The following NUP93 variants were observed in gnomAD, a reference collection of about 807,000 sequenced individuals.
The protein encoded by NUP93 is nucleoporin 93.
Under a neutral mutation model 107.8 loss-of-function variants are expected in NUP93, and 55 were observed. That is an observed-to-expected ratio of 0.51 (90% confidence interval 0.41 to 0.64). The LOEUF (loss-of-function observed/expected upper bound fraction) is 0.64, where lower values mean the gene tolerates loss of function less well. Among genes scored for constraint, NUP93 ranks in the 30% least tolerant of loss-of-function variants. NUP93 has a pLI of 0.00. For missense variants in NUP93, 937 were observed against 1,044.7 expected (o/e 0.90, Z 1.42); for synonymous variants, 390 against 397.5 (o/e 0.98, Z 0.22).
At chr16:56,736,606 A>G (rs910742813) in intron 1 of NUP93, among the ~76,000 whole-genome samples, 1 of 152,206 alleles carries the variant, frequency 6.6e-6, no homozygotes, top group African/African-American at 2.4e-5. Flanking sequence ...TGGGAGACAG[A>G]AGCCAGGGGC....
chr16:56,810,805 G>A (rs1380168084), intron 5 of NUP93, among the ~76,000 whole-genome samples: 2 of 130,608 alleles, frequency 1.5e-5, no homozygotes, highest in African/African-American at 5.4e-5. Flanking sequence ...GTCCTTTCTG[G>A]TCACCACCCA....
Position 56,754,155 on chromosome 16 carries a change from TAAAC to T in NUP93, c.180-4380_180-4377del, listed in dbSNP as rs375075698. 3.0e-3 allele frequency among the ~76,000 whole-genome samples: 454 copies of T among 152,150 alleles called. 1 individual carries two copies. The highest frequency in any genetic ancestry group is 9.5e-3 in the African/African-American group (396 of 41,508). On this transcript the variant is annotated intron_variant, in intron 2 of 21. Transcript: ENST00000308159. ...TGAAGGGGGAAGTGCTACGTACTCT[TAAAC>T]AACCAAATCTTATGGGAACTCACGG...
At position 56,805,478 on chromosome 16, in the gene NUP93, C is replaced by A. The variant is rs771126164; in HGVS notation, c.361-26C>A. ...TTTTTTTTGTTTTTTTCCTGAGGGT[C>A]ATTGTTCTCTGTTCCTTTCTGGCAG... On this transcript the variant is annotated intron_variant, in intron 4 of 21. Coordinates refer to ENST00000308159, the MANE Select transcript of NUP93 (RefSeq NM_014669.5). 9 of 1,609,946 alleles carry A rather than the reference C, an allele frequency of 5.6e-6. No individual in the cohort carries two copies. In the South Asian group the frequency reaches 8.8e-5, roughly 16 times the overall value.
At chr16:56,795,132 C>T (rs1035708960) in intron 3 of NUP93, among the ~76,000 whole-genome samples, 1 of 151,856 alleles carries the variant, frequency 6.6e-6, no homozygotes, top group Non-Finnish European at 1.5e-5. Flanking sequence ...CCCACTACCC[C>T]CAAACGTAGC....
At chr16:56,765,495 C>A (rs1184303947) in intron 3 of NUP93, among the ~76,000 whole-genome samples, 19 of 152,170 alleles carry the variant, frequency 1.2e-4, no homozygotes, top group African/African-American at 1.9e-4. Flanking sequence ...TCACCAGATC[C>A]AAAGTCTGTT....
chr16:56,834,718 T>G lies in NUP93; in HGVS notation c.1738-16T>G. 6.2e-7 allele frequency: 1 copy of G among 1,608,042 alleles called. No individual in the cohort carries two copies. The highest frequency in any genetic ancestry group is 8.5e-7 in the Non-Finnish European group (1 of 1,176,386). On this transcript the variant is annotated splice_polypyrimidine_tract_variant and intron_variant, in intron 15 of 21. Transcript: ENST00000308159. ...TCTTTGTCCAATAATTTGAGTAAACTTTTTTCCTTCCACAGTTCGATATGA... is the reference window on the plus strand; with the variant it reads ...TCTTTGTCCAATAATTTGAGTAAACGTTTTTCCTTCCACAGTTCGATATGA...
intron 2 of NUP93, among the ~76,000 whole-genome samples, chr16:56,756,311 AC>A (rs1962022487): frequency 1.3e-4 from 2 of 14,934 alleles, no homozygotes; most frequent in African/African-American, 6.2e-4. Context: ...CCCCCCCCCG[AC>A]AGGCTCCTAT....
rs1456274116 is a variant in NUP93, at chr16:56,781,168, A to G, written c.298-17308A>G. ...ATATATTTTCCCCTAAATGTTGTGC[A>G]AAGAAGTGACAGTTGAGCTGAGCAT... On this transcript the variant is annotated intron_variant, in intron 3 of 21. Coordinates refer to ENST00000308159, the MANE Select transcript of NUP93 (RefSeq NM_014669.5). Among the ~76,000 whole-genome samples the G allele has an allele frequency of 2.6e-5, 4 of 152,232 alleles. No individual in the cohort carries two copies. In the East Asian group the frequency reaches 7.7e-4, roughly 29 times the overall value.
At chr16:56,831,750 C>A in intron 10 of NUP93, 92 bp from the exon 11 acceptor site, 1 of 1,326,520 alleles carries the variant, frequency 7.5e-7, no homozygotes, top group Non-Finnish European at 1.1e-6. Flanking sequence ...GGCTTCCCTG[C>A]TTTTATGTGT....
intron 5 of NUP93, among the ~76,000 whole-genome samples, chr16:56,808,094 T>A (rs1963186001): frequency 7.5e-6 from 1 of 133,872 alleles, no homozygotes; most frequent in Non-Finnish European, 1.6e-5. Context: ...TATATAAATA[T>A]ACACACACAT....
Position 56,813,855 on chromosome 16 carries a change from T to C in NUP93, c.490-4809T>C, listed in dbSNP as rs371851923. Among the ~76,000 whole-genome samples, 5 of 152,342 alleles carry C rather than the reference T, an allele frequency of 3.3e-5. No homozygotes were observed. The East Asian group carries it at 5.8e-4, about 18-fold the overall frequency. ...TAGTAGTTCTAATAGTGTTCCAGCCTATGTGTGGCCCAAGTATTCCTCTCA... is the reference window on the plus strand; with the variant it reads ...TAGTAGTTCTAATAGTGTTCCAGCCCATGTGTGGCCCAAGTATTCCTCTCA... On this transcript the variant is annotated intron_variant, in intron 5 of 21. Coordinates refer to ENST00000308159, the MANE Select transcript of NUP93 (RefSeq NM_014669.5).
chr16:56,786,810 G>A (rs1359623347), intron 3 of NUP93, among the ~76,000 whole-genome samples: 2 of 152,194 alleles, frequency 1.3e-5, no homozygotes, highest in Non-Finnish European at 2.9e-5. Context: ...CTCTAGGTTT[G>A]AGGGGTCCTG....
At chr16:56,756,791 C>T (rs1375704362) in intron 2 of NUP93, among the ~76,000 whole-genome samples, 1 of 152,180 alleles carries the variant, frequency 6.6e-6, no homozygotes, top group Non-Finnish European at 1.5e-5. Context: ...TCTTCACAGC[C>T]TTGCCAACAT....
intron 2 of NUP93, among the ~76,000 whole-genome samples, chr16:56,755,809 A>G (rs1962008204): frequency 6.6e-6 from 1 of 152,218 alleles, no homozygotes; most frequent in Admixed American, 6.5e-5. Context: ...TGGGAGCTGG[A>G]GGTTGCAGAG....
At chr16:56,814,959 G>A (rs59542880) in intron 5 of NUP93, among the ~76,000 whole-genome samples, 15,578 of 152,188 alleles carry the variant, frequency 0.1, 836 homozygotes, top group East Asian at 0.15. Flanking sequence ...GAATGTGCAC[G>A]TACACATCCT....
chr16:56,843,429 C>G (rs1486151829), intron 21 of NUP93, among the ~76,000 whole-genome samples: 1 of 152,164 alleles, frequency 6.6e-6, no homozygotes, highest in African/African-American at 2.4e-5. Flanking sequence ...TTGCCCACCA[C>G]TCTCCTTTTT....
chr16:56,769,574 A>G (rs1003542858), intron 3 of NUP93, among the ~76,000 whole-genome samples: 1 of 151,692 alleles, frequency 6.6e-6, no homozygotes, highest in African/African-American at 2.4e-5. Flanking sequence ...ATTATTTTTC[A>G]GGTTTGCTGC....
chr16:56,817,496 CT>C (rs1332167769), intron 5 of NUP93, among the ~76,000 whole-genome samples: 1 of 151,988 alleles, frequency 6.6e-6, no homozygotes, highest in African/African-American at 2.4e-5. Flanking sequence ...GAACATTCAG[CT>C]TTTTTTTATA....
chr16:56,844,151 G>A (rs1170664349), intron 21 of NUP93, among the ~76,000 whole-genome samples: 3 of 152,180 alleles, frequency 2.0e-5, no homozygotes, highest in East Asian at 3.8e-4. Context: ...AGAGAGAGAG[G>A]CTCAGAAGAT....
Sources: allele counts gnomAD v4.1 joint callset (sites outside exome capture counted in the v4.1 genomes callset), GRCh38; gene constraint gnomAD v4.1.1; transcripts MANE v1.5; gene names NCBI Gene and HGNC (gene_info 2026-07-23, HGNC 2026-07-21).